The following AUTS2 variants were observed in gnomAD, a reference collection of about 807,000 sequenced individuals.
The protein encoded by AUTS2 is autism susceptibility gene 2 protein.
AUTS2 carries 17 observed loss-of-function variants against 112.4 expected under a neutral mutation model. That is an observed-to-expected ratio of 0.15 (90% CI 0.10 to 0.23). The LOEUF is 0.23. AUTS2 is among the 10% of genes least tolerant of loss of function. The pLI, the probability that AUTS2 is intolerant of heterozygous loss-of-function variation, is 1.00. For missense variants in AUTS2, 1,510 were observed against 1,701.6 expected, an observed-to-expected ratio of 0.89 and a Z score of 1.98; for synonymous variants, 751 against 702.7, an observed-to-expected ratio of 1.07 and a Z score of -1.09.
At chr7:70,401,640 C>T (rs1010833899) in intron 4 of AUTS2, among the ~76,000 whole-genome samples, 4 of 152,086 alleles carry the variant, frequency 2.6e-5, no homozygotes, top group Non-Finnish European at 4.4e-5. Context: ...AGAAGGCCTA[C>T]GGTTAGGAGT....
At position 69,866,567 on chromosome 7, in the gene AUTS2, A is replaced by G. The variant is rs571055318; in HGVS notation, c.310-32719A>G. On this transcript the variant is annotated intron_variant, in intron 1 of 18. Transcript: ENST00000342771. ...ATAGCATATTCCTTTTGTTTTCAACAGAGCTTTTTCTATTAATTTTAAATG... is the reference window on the plus strand; with the variant it reads ...ATAGCATATTCCTTTTGTTTTCAACGGAGCTTTTTCTATTAATTTTAAATG... Among the ~76,000 whole-genome samples the G allele has an allele frequency of 3.3e-5, 5 of 152,316 alleles. No individual in the cohort carries two copies. In the East Asian group the frequency reaches 5.8e-4, roughly 18 times the overall value.
intron 1 of AUTS2, among the ~76,000 whole-genome samples, chr7:69,841,459 C>G (rs1173332238): frequency 2.0e-5 from 3 of 152,152 alleles, no homozygotes; most frequent in Non-Finnish European, 2.9e-5. Flanking sequence ...CCAAACACCT[C>G]CCACCACCAG....
At chr7:70,537,696 T>C (rs1012530002) in intron 5 of AUTS2, among the ~76,000 whole-genome samples, 1 of 152,160 alleles carries the variant, frequency 6.6e-6, no homozygotes, top group Non-Finnish European at 1.5e-5. Context: ...CTCTCTCCTG[T>C]AAGCAGAAAT....
chr7:70,762,842 G>A (rs1234629734), intron 6 of AUTS2, 28 bp from the exon 7 acceptor site: 11 of 1,509,852 alleles, frequency 7.3e-6, no homozygotes, highest in African/African-American at 2.7e-5. Flanking sequence ...CATTGCCTGT[G>A]GTTTTGTCTT....
At chr7:70,153,509 G>A (rs1277900370) in intron 4 of AUTS2, among the ~76,000 whole-genome samples, 1 of 152,082 alleles carries the variant, frequency 6.6e-6, no homozygotes, top group Non-Finnish European at 1.5e-5. Flanking sequence ...TGTCAGGATG[G>A]CTCCACAGAT....
intron 5 of AUTS2, among the ~76,000 whole-genome samples, chr7:70,659,586 A>C (rs1330118831): frequency 6.6e-6 from 1 of 152,116 alleles, no homozygotes; most frequent in East Asian, 1.9e-4. Flanking sequence ...CCTAGAGATT[A>C]TTGCAGGGGT....
chr7:70,230,174 T>TTGTACAATTGTAC lies in AUTS2; in HGVS notation c.660+95603_660+95604insTGTACAATTGTAC, dbSNP rs1456787583. 1.2e-4 allele frequency among the ~76,000 whole-genome samples: 19 copies of TTGTACAATTGTAC among 152,314 alleles called. No individual in the cohort carries two copies. In the East Asian group the frequency reaches 3.5e-3, roughly 28 times the overall value. On this transcript the variant is annotated intron_variant, in intron 4 of 18. Transcript: ENST00000342771. ...TGAAAACTGAACATTTTAGATAATA[T>TTGTACAATTGTAC]ATTGTAGCAACTGTATAATCTGATT...
chr7:70,607,608 C>A (rs994110944), intron 5 of AUTS2, among the ~76,000 whole-genome samples: 3 of 152,168 alleles, frequency 2.0e-5, no homozygotes, highest in African/African-American at 7.2e-5. Context: ...GTGTGCAATG[C>A]CCATGCCATT....
At chr7:69,604,535 G>C (rs1172081236) in intron 1 of AUTS2, among the ~76,000 whole-genome samples, 2 of 152,228 alleles carry the variant, frequency 1.3e-5, no homozygotes, top group African/African-American at 4.8e-5. Flanking sequence ...GAGATAGGCT[G>C]AAGTGTTCCA....
intron 2 of AUTS2, among the ~76,000 whole-genome samples, chr7:70,041,376 T>C (rs1386738361): frequency 6.6e-6 from 1 of 152,208 alleles, no homozygotes; most frequent in African/African-American, 2.4e-5. Flanking sequence ...ATAGACTTGA[T>C]TATGTGTTTT....
At chr7:70,581,318 G>T (rs190320505) in intron 5 of AUTS2, among the ~76,000 whole-genome samples, 2 of 152,100 alleles carry the variant, frequency 1.3e-5, no homozygotes, top group Non-Finnish European at 2.9e-5. Context: ...ACTGGGAGGC[G>T]GAGGTTGTGG....
At chr7:70,010,181 T>A (rs1436213318) in intron 2 of AUTS2, among the ~76,000 whole-genome samples, 1 of 152,204 alleles carries the variant, frequency 6.6e-6, no homozygotes, top group African/African-American at 2.4e-5. Flanking sequence ...GGTCTCATTC[T>A]GTTGCCCAAA....
intron 4 of AUTS2, among the ~76,000 whole-genome samples, chr7:70,175,455 T>G (rs1229674372): frequency 6.6e-6 from 1 of 151,540 alleles, no homozygotes; most frequent in Non-Finnish European, 1.5e-5. Flanking sequence ...ATTTGAGGAT[T>G]GACTTCACTT....
chr7:70,019,193 T>A (rs912154372), intron 2 of AUTS2, among the ~76,000 whole-genome samples: 4 of 152,164 alleles, frequency 2.6e-5, no homozygotes, highest in Non-Finnish European at 1.5e-5. Flanking sequence ...GTTCCCACTT[T>A]TAAGTGGAAA....
At chr7:70,742,487 G>T (rs774599699) in intron 6 of AUTS2, among the ~76,000 whole-genome samples, 1 of 152,154 alleles carries the variant, frequency 6.6e-6, no homozygotes, top group Non-Finnish European at 1.5e-5. Flanking sequence ...TTTCAGCCAG[G>T]CACGGTGGCA....
chr7:70,617,120 G>T (rs10233063), intron 5 of AUTS2, among the ~76,000 whole-genome samples: 79,883 of 151,970 alleles, frequency 0.53, 21,748 homozygotes, highest in African/African-American at 0.64. Context: ...GGCTCAGTGG[G>T]GTAAGGGCCA....
chr7:70,258,773 A>T (rs1482481695), intron 4 of AUTS2, among the ~76,000 whole-genome samples: 1 of 152,224 alleles, frequency 6.6e-6, no homozygotes, highest in Non-Finnish European at 1.5e-5. Context: ...AAACTTCAAA[A>T]GTGACTAGAA....
At chr7:70,515,606 A>T (rs1329870057) in intron 5 of AUTS2, among the ~76,000 whole-genome samples, 1 of 151,968 alleles carries the variant, frequency 6.6e-6, no homozygotes, top group Non-Finnish European at 1.5e-5. Context: ...ACCCAGGGGG[A>T]CATTCTGCCA....
At chr7:70,046,483 T>C (rs1801510419) in intron 2 of AUTS2, among the ~76,000 whole-genome samples, 1 of 152,226 alleles carries the variant, frequency 6.6e-6, no homozygotes, top group Non-Finnish European at 1.5e-5. Flanking sequence ...GTACAACTTT[T>C]TGATAGATTA....
Sources: gnomAD v4.1 joint callset for allele counts (sites outside exome capture counted in the v4.1 genomes callset) on GRCh38, gnomAD v4.1.1 for gene constraint, MANE v1.5 for transcripts, NCBI Gene and HGNC (gene_info 2026-07-23, HGNC 2026-07-21) for gene names.